The following RGS6 variants were observed in gnomAD, a reference collection of about 807,000 sequenced individuals.
The protein encoded by RGS6 is regulator of G-protein signaling 6.
RGS6 carries 30 observed loss-of-function variants against 78.5 expected under a neutral mutation model. The observed-to-expected ratio is 0.38, with a 90% CI of 0.29 to 0.52. The LOEUF is 0.52. Among genes scored for constraint, RGS6 ranks in the 20% least tolerant of loss-of-function variants. RGS6 has a pLI of 0.85. For missense variants in RGS6, 495 were observed against 609.7 expected (o/e 0.81, Z 1.98); for synonymous variants, 206 against 206.0 (o/e 1.00, Z 0.00).
At chr14:72,296,415 G>C (rs1262513808) in intron 2 of RGS6, among the ~76,000 whole-genome samples, 2 of 152,134 alleles carry the variant, frequency 1.3e-5, no homozygotes, top group African/African-American at 4.8e-5. Flanking sequence ...AAAACTATCA[G>C]AGTTTTCACA....
At chr14:71,979,353 G>A (rs2094325284) in intron 2 of RGS6, among the ~76,000 whole-genome samples, 1 of 146,926 alleles carries the variant, frequency 6.8e-6, no homozygotes, top group Non-Finnish European at 1.5e-5. Context: ...TAATTGTGAT[G>A]TTAGGGTGTC....
intron 3 of RGS6, among the ~76,000 whole-genome samples, chr14:72,363,200 A>G (rs756345010): frequency 1.2e-4 from 19 of 152,230 alleles, no homozygotes; most frequent in Non-Finnish European, 2.1e-4. Flanking sequence ...CCCTGCTCAG[A>G]TGGACTGCCG....
Position 71,988,828 on chromosome 14 carries a change from A to T in RGS6, c.84+23953A>T, listed in dbSNP as rs1471570317. Among the ~76,000 whole-genome samples the T allele has an allele frequency of 2.0e-5, 3 of 152,166 alleles. No individual in the cohort carries two copies. In the East Asian group the frequency reaches 5.8e-4, roughly 29 times the overall value. On this transcript the variant is annotated intron_variant, in intron 2 of 17. Coordinates refer to ENST00000553525, the MANE Select transcript of RGS6 (RefSeq NM_001204424.2). ...TCTAACTGGGGAGGGGGTATACAAG[A>T]TAAATTAGAAACAAGTGCACATTCC...
intron 2 of RGS6, among the ~76,000 whole-genome samples, chr14:72,279,101 G>A (rs1040444471): frequency 2.6e-5 from 4 of 151,942 alleles, no homozygotes; most frequent in African/African-American, 9.7e-5. Context: ...TTGGGATTGG[G>A]GCTTTAACAT....
intron 2 of RGS6, among the ~76,000 whole-genome samples, chr14:72,284,558 A>G (rs1041408013): frequency 3.9e-5 from 6 of 152,220 alleles, no homozygotes; most frequent in African/African-American, 1.4e-4. Context: ...CAGAGGATAT[A>G]TGGAAACTCC....
chr14:72,580,512 G>A, the RGS6 span, among the ~76,000 whole-genome samples: 1 of 152,144 alleles, frequency 6.6e-6, no homozygotes, highest in African/African-American at 2.4e-5. Context: ...TCAGGCCCTG[G>A]GAGGAATGCA....
chr14:72,148,129 TAAAAA>T (rs35367140), intron 2 of RGS6, among the ~76,000 whole-genome samples: 6 of 67,564 alleles, frequency 8.9e-5, no homozygotes, highest in African/African-American at 6.5e-5. Context: ...AGACTCCATC[TAAAAA>T]AAAAAAAAAA....
chr14:72,606,400 C>T, the RGS6 span, among the ~76,000 whole-genome samples: 1 of 152,204 alleles, frequency 6.6e-6, no homozygotes, highest in African/African-American at 2.4e-5. Context: ...TGATTCCTCT[C>T]TCAGTAGCCT....
chr14:72,142,726 T>C (rs1244695340), intron 2 of RGS6, among the ~76,000 whole-genome samples: 2 of 152,222 alleles, frequency 1.3e-5, no homozygotes, highest in East Asian at 3.8e-4. Context: ...CAAGAACCAA[T>C]TTACAACATT....
At chr14:72,303,265 C>T (rs565752096) in intron 2 of RGS6, among the ~76,000 whole-genome samples, 35 of 152,274 alleles carry the variant, frequency 2.3e-4, no homozygotes, top group African/African-American at 5.3e-4. Flanking sequence ...CTTTGGGAGG[C>T]GGATGCGGGT....
chr14:72,124,926 G>A (rs2096150792), intron 2 of RGS6, among the ~76,000 whole-genome samples: 1 of 152,180 alleles, frequency 6.6e-6, no homozygotes, highest in South Asian at 2.1e-4. Context: ...AAGAGAAGGT[G>A]GCAGTGCTAG....
chr14:72,514,368 G>A (rs1169236205), intron 14 of RGS6, among the ~76,000 whole-genome samples: 1 of 152,202 alleles, frequency 6.6e-6, no homozygotes, highest in Non-Finnish European at 1.5e-5. Context: ...CTGAGGGCCT[G>A]CCCAGACCTC....
chr14:72,203,808 CCTTTCTTT>C (rs1555541738), intron 2 of RGS6, among the ~76,000 whole-genome samples: 69 of 135,350 alleles, frequency 5.1e-4, no homozygotes, highest in African/African-American at 1.7e-3. Flanking sequence ...GCTATTGTAA[CCTTTCTTT>C]CTTTCTTTTT....
At chr14:72,602,630 G>A in the RGS6 span, among the ~76,000 whole-genome samples, 2 of 152,190 alleles carry the variant, frequency 1.3e-5, no homozygotes, top group Non-Finnish European at 2.9e-5. Context: ...GATCACCGAA[G>A]GTTAGAGCCC....
At chr14:72,130,918 A>G (rs1230506869) in intron 2 of RGS6, among the ~76,000 whole-genome samples, 2 of 152,168 alleles carry the variant, frequency 1.3e-5, no homozygotes, top group Non-Finnish European at 2.9e-5. Flanking sequence ...CTCCTGGAAT[A>G]GTCTTAGAGT....
intron 3 of RGS6, among the ~76,000 whole-genome samples, chr14:72,402,790 G>GTTTTTTTT (rs1167831473): frequency 6.9e-4 from 52 of 75,806 alleles, no homozygotes; most frequent in Middle Eastern, 8.1e-3. Flanking sequence ...TGTTTTTTTG[G>GTTTTTTTT]TTTTTTTTTT....
At chr14:72,337,343 C>T (rs2076222557) in intron 2 of RGS6, among the ~76,000 whole-genome samples, 1 of 151,140 alleles carries the variant, frequency 6.6e-6, no homozygotes, top group Non-Finnish European at 1.5e-5. Context: ...GTCCGTGTTT[C>T]CAATGCAGTG....
intron 2 of RGS6, among the ~76,000 whole-genome samples, chr14:71,970,229 GT>G (rs1249852632): frequency 2.6e-5 from 4 of 152,158 alleles, no homozygotes; most frequent in African/African-American, 9.7e-5. Context: ...TGAAATAGGG[GT>G]TTTAGAGGAA....
At chr14:71,961,128 C>A (rs1221294250) in intron 1 of RGS6, among the ~76,000 whole-genome samples, 1 of 152,102 alleles carries the variant, frequency 6.6e-6, no homozygotes, top group African/African-American at 2.4e-5. Flanking sequence ...GATGCTGAGT[C>A]AGATGGGGGA....
Sources: allele counts gnomAD v4.1 joint callset (sites outside exome capture counted in the v4.1 genomes callset), GRCh38; gene constraint gnomAD v4.1.1; transcripts MANE v1.5; gene names NCBI Gene and HGNC (gene_info 2026-07-23, HGNC 2026-07-21).